The following SDE2 variants were observed in gnomAD, a reference collection of about 807,000 sequenced individuals.
SDE2 encodes the protein splicing regulator SDE2.
SDE2 carries 31 observed loss-of-function variants against 46.9 expected under a neutral mutation model. That is an observed-to-expected ratio of 0.66 (90% CI 0.50 to 0.89). The LOEUF (loss-of-function observed/expected upper bound fraction) is 0.89, where lower values mean the gene tolerates loss of function less well. Among genes scored for constraint, SDE2 ranks in the 40% least tolerant of loss-of-function variants. The pLI is 0.00. For synonymous variants in SDE2, 205 were observed against 204.3 expected (o/e 1.00, Z -0.03); for missense variants, 542 against 564.4 (o/e 0.96, Z 0.40).
rs776110951 is a variant in SDE2, at chr1:225,999,291, C to T, written c.22G>A (p.Val8Met). 18 of 1,611,904 alleles carry T rather than the reference C, an allele frequency of 1.1e-5. 1 individual carries two copies. Among genetic ancestry groups the T allele is most frequent in the South Asian group, 2.2e-5 (2 of 90,840 alleles). The change falls in exon 1 of 7, where the codon GTG becomes ATG. Residue 8 changes from valine to methionine, a missense_variant. Coordinates refer to ENST00000272091, the MANE Select transcript of SDE2 (RefSeq NM_152608.4). MAEAAAL[V>M]WIRGPGFGCK... ...CCGAAGCCAGGGCCGCGAATCCACA[C>T]CAGCGCCGCGGCCTCCGCCATGTCA...
At chr1:225,994,486 CAT>C (rs1432133340) in intron 2 of SDE2, among the ~76,000 whole-genome samples, 14 of 152,336 alleles carry the variant, frequency 9.2e-5, no homozygotes, top group Admixed American at 3.9e-4. Context: ...TTAGGGATCA[CAT>C]GTTACTACAT....
intron 6 of SDE2, 91 bp downstream of exon 6, chr1:225,987,805 G>T: frequency 2.6e-6 from 3 of 1,167,020 alleles, no homozygotes; most frequent in Non-Finnish European, 3.7e-6. Context: ...TCACTAAGCA[G>T]CTGAGGGGCA....
intron 3 of SDE2, 124 bp from the exon 4 acceptor site, chr1:225,992,691 C>T: frequency 1.4e-6 from 1 of 713,402 alleles, no homozygotes; most frequent in Middle Eastern, 3.8e-4. Flanking sequence ...GAAAGGTGAG[C>T]CATGCTTACT....
At chr1:225,991,402 G>C in intron 4 of SDE2, 39 bp from the exon 5 acceptor site, 1 of 1,548,872 alleles carries the variant, frequency 6.5e-7, no homozygotes, top group Non-Finnish European at 8.8e-7. Context: ...CTACTATAGG[G>C]ACTAAGTTTA....
At chr1:225,994,440 A>T (rs1289163832) in intron 2 of SDE2, among the ~76,000 whole-genome samples, 1 of 152,244 alleles carries the variant, frequency 6.6e-6, no homozygotes, top group African/African-American at 2.4e-5. Context: ...CAGCTCTCTG[A>T]AAACCAAACC....
At chr1:225,991,154 A>G in intron 5 of SDE2, 89 bp downstream of exon 5, 1 of 1,374,120 alleles carries the variant, frequency 7.3e-7, no homozygotes, top group Non-Finnish European at 1.0e-6. Context: ...CAAACACTAC[A>G]CAAAAATGTG....
rs1206540967 is a variant in SDE2, at chr1:225,987,947, T to C, written c.1083A>G (p.Glu361=). 28 of 1,612,914 alleles carry C rather than the reference T, an allele frequency of 1.7e-5. No individual in the cohort carries two copies. Among genetic ancestry groups the C allele is most frequent in the Non-Finnish European group, 2.4e-5 (28 of 1,179,718 alleles). The change falls in exon 6 of 7, where the codon GAA becomes GAG. Residue 361 remains glutamate, a synonymous_variant. Coordinates refer to ENST00000272091, the MANE Select transcript of SDE2 (RefSeq NM_152608.4). ...GERVAEVAPE[E]RENVAVAKLQ... ...GTTTGGCAACGGCAACGTTTTCCCT[T>C]TCTTCAGGTGCTACCTCAGCAACTC...
intron 4 of SDE2, among the ~76,000 whole-genome samples, chr1:225,991,658 A>G (rs1016743366): frequency 6.6e-6 from 1 of 152,164 alleles, no homozygotes; most frequent in African/African-American, 2.4e-5. Context: ...TTATTTGCAT[A>G]CACTTGTCTT....
intron 1 of SDE2, among the ~76,000 whole-genome samples, chr1:225,998,335 C>T (rs955435175): frequency 1.3e-5 from 2 of 152,154 alleles, no homozygotes; most frequent in Non-Finnish European, 2.9e-5. Context: ...ATCCAAGTCT[C>T]TTAAAATTTT....
In SDE2 at chr1:225,992,943, C is replaced by G. The variant is rs1656436817; in HGVS notation, c.298G>C (p.Ala100Pro). 1 of 1,613,642 alleles carries G rather than the reference C, an allele frequency of 6.2e-7. No individual in the cohort carries two copies. The highest frequency in any genetic ancestry group is 8.5e-7 in the Non-Finnish European group (1 of 1,179,674). ...CTCCTTCCACTGAGATCCCGACAAG[C>G]TTCTCGATTGGTTGTCTTCTCAATC... ...AQIEKTTNRE[A>P]CRDLSGRRLR... Residue 100 changes from alanine to proline, a missense_variant, in exon 3 of 7, where the codon GCT becomes CCT. Physicochemically the swap from Ala to Pro is conservative, Grantham distance 27 (BLOSUM62 -1). Around this residue, in one of 3 missense-constraint regions of SDE2, gnomAD observed 401 missense variants for 437.8 expected, o/e 0.92. Transcript: ENST00000272091.
At position 225,999,215 on chromosome 1, in the gene SDE2, A is replaced by G; in HGVS notation, c.98T>C (p.Ile33Thr). The G allele has an allele frequency of 6.2e-7, 1 of 1,612,738 alleles. No homozygotes were observed. Among genetic ancestry groups the G allele is most frequent in the Non-Finnish European group, 8.5e-7 (1 of 1,179,232 alleles). The change falls in exon 1 of 7, where the codon ATC becomes ACC. Residue 33 changes from isoleucine (I) to threonine (T), a missense_variant. Around this residue, in one of 3 missense-constraint regions of SDE2, gnomAD observed 135 missense variants for 106.5 expected, o/e 1.27. Coordinates refer to ENST00000272091, the MANE Select transcript of SDE2 (RefSeq NM_152608.4). ...CACCTGATCTTGGCAGTGCCGGTGG[A>G]TAAAATCCCGGACGGTGCACCGACC... The part of the protein sequence containing the change: ...ASGRCTVRDF[I>T]HRHCQDQNVP...
chr1:225,987,808 G>A (rs1017251052), intron 6 of SDE2, 88 bp downstream of exon 6: 3 of 1,199,086 alleles, frequency 2.5e-6, no homozygotes, highest in African/African-American at 3.0e-5. Context: ...CTAAGCAGCT[G>A]AGGGGCAAAA....
chr1:225,988,134 G>A lies in SDE2; in HGVS notation c.896C>T (p.Ala299Val), dbSNP rs1242556449. The stretch of plus-strand genomic sequence containing the variant: ...GTGCTCTTTGGACTCCCCCAGCTCA[G>A]CACATGAGTCTTCTAAAATATGCCT... Reference protein sequence around the residue: ...SGRHILEDSCAELGESKEHME... With the variant: ...SGRHILEDSCVELGESKEHME... The change falls in exon 6 of 7, where the codon GCT becomes GTT. Residue 299 changes from alanine (A) to valine (V), a missense_variant. Transcript: ENST00000272091. 1 of 1,614,046 alleles carries A rather than the reference G, an allele frequency of 6.2e-7. No homozygotes were observed. The highest frequency in any genetic ancestry group is 1.3e-5 in the African/African-American group (1 of 74,908).
At chr1:225,988,983 G>C (rs1000514442) in intron 5 of SDE2, among the ~76,000 whole-genome samples, 1 of 152,004 alleles carries the variant, frequency 6.6e-6, no homozygotes, top group Non-Finnish European at 1.5e-5. Flanking sequence ...CATTACCTTC[G>C]ACGGTTGGAA....
rs772498404 is a variant in SDE2 at position 225,992,405 on chromosome 1, G to C, written c.513C>G (p.Val171=). ...HEMAERLEDS[V]LKGMQAASSK... ...AGGAATCCTCATTCTCACCTTTGAG[G>C]ACGGAATCCTCCAGACGCTCAGCCA... Residue 171 remains valine (V), a synonymous_variant, in exon 4 of 7, where the codon GTC becomes GTG. Coordinates refer to ENST00000272091, the MANE Select transcript of SDE2 (RefSeq NM_152608.4). The C allele has an allele frequency of 1.4e-5, 23 of 1,612,888 alleles. No homozygotes were observed. The African/African-American group carries it at 2.5e-4, about 18-fold the overall frequency.
chr1:225,985,373 C>T lies in SDE2; in HGVS notation c.1285G>A (p.Val429Ile). The T allele has an allele frequency of 6.2e-7, 1 of 1,614,238 alleles. No homozygotes were observed. Among genetic ancestry groups the T allele is most frequent in the East Asian group, 2.2e-5 (1 of 44,886 alleles). ...LQERAARLFSVRGLAKEQIDP... is the reference protein window; with the variant it reads ...LQERAARLFSIRGLAKEQIDP... ...ATTTGCTCCTTTGCCAGTCCTCTGA[C>T]AGAGAAGAGTCTTGCTGCCCGCTCC... is the stretch of plus-strand genomic sequence containing the variant. Residue 429 changes from valine (V) to isoleucine (I), a missense_variant, in exon 7 of 7, where the codon GTC becomes ATC. Around this residue, in one of 3 missense-constraint regions of SDE2, gnomAD observed 401 missense variants for 437.8 expected, o/e 0.92. Transcript: ENST00000272091.
chr1:225,998,684 G>T (rs1368059100), intron 1 of SDE2, among the ~76,000 whole-genome samples: 1 of 152,158 alleles, frequency 6.6e-6, no homozygotes, highest in Non-Finnish European at 1.5e-5. Flanking sequence ...CCCTCAACAG[G>T]ACACACGTGT....
intron 6 of SDE2, 76 bp from the exon 7 acceptor site, chr1:225,985,599 TTTC>T: frequency 2.2e-6 from 2 of 912,170 alleles, no homozygotes; most frequent in Non-Finnish European, 3.5e-6. Context: ...GTCAACTACA[TTTC>T]TTGAGAAATT....
At chr1:225,991,461 TC>T in intron 4 of SDE2, 98 bp from the exon 5 acceptor site, 1 of 876,632 alleles carries the variant, frequency 1.1e-6, no homozygotes, top group Non-Finnish European at 1.8e-6. Context: ...AATCTACAGC[TC>T]CAGATTTAAA....
Sources: allele counts gnomAD v4.1 joint callset (sites outside exome capture counted in the v4.1 genomes callset), GRCh38; gene constraint gnomAD v4.1.1; regional missense constraint gnomAD v4.1.1; transcripts MANE v1.5; gene names NCBI Gene and HGNC (gene_info 2026-07-23, HGNC 2026-07-21).